The following CUL4A variants were observed in gnomAD, a reference collection of about 807,000 sequenced individuals.
CUL4A encodes the protein cullin 4A, also known as cullin-4A.
Under a neutral mutation model 95.5 loss-of-function variants are expected in CUL4A, and 16 were observed. That is an observed-to-expected ratio of 0.17 (90% confidence interval 0.11 to 0.25). The LOEUF (loss-of-function observed/expected upper bound fraction) is 0.25. Among genes scored for constraint, CUL4A ranks in the 10% least tolerant of loss-of-function variants. The probability of loss-of-function intolerance (pLI) is 1.00; values close to 1 mark genes in which losing one functional copy is unlikely to be tolerated. For missense variants in CUL4A, 610 were observed against 937.0 expected, an observed-to-expected ratio of 0.65 and a Z score of 4.56; for synonymous variants, 380 against 353.1, an observed-to-expected ratio of 1.08 and a Z score of -0.85.
intron 5 of CUL4A, among the ~76,000 whole-genome samples, chr13:113,230,707 A>G (rs2041278821): frequency 1.3e-5 from 2 of 152,222 alleles, no homozygotes; most frequent in Non-Finnish European, 2.9e-5. Flanking sequence ...ACATAAGTTA[A>G]AATAACTTGC....
intron 2 of CUL4A, among the ~76,000 whole-genome samples, chr13:113,214,699 G>A (rs2040579735): frequency 6.6e-6 from 1 of 152,142 alleles, no homozygotes; most frequent in Admixed American, 6.5e-5. Context: ...TTGAGTCACG[G>A]AGTAGTTGTC....
rs535211111 is a variant in CUL4A at position 113,221,010 on chromosome 13, C to T, written c.368+1962C>T. Reference sequence around the variant, plus strand: ...ACAAGATCTTGAGTTGAGAACTGCGCGTCAGGCCAGGAATGGTGGCATGTG... The same window carrying T: ...ACAAGATCTTGAGTTGAGAACTGCGTGTCAGGCCAGGAATGGTGGCATGTG... On this transcript the variant is annotated intron_variant, in intron 3 of 19. Transcript: ENST00000375440. 4.6e-5 allele frequency among the ~76,000 whole-genome samples: 7 copies of T among 152,336 alleles called. No individual in the cohort carries two copies. In the South Asian group the frequency reaches 6.2e-4, roughly 14 times the overall value.
chr13:113,224,819 G>A (rs911755655), intron 3 of CUL4A, among the ~76,000 whole-genome samples: 12 of 152,136 alleles, frequency 7.9e-5, no homozygotes, highest in Non-Finnish European at 1.6e-4. Context: ...GTTAATGCTC[G>A]GCCAGATCAG....
intron 7 of CUL4A, 74 bp downstream of exon 7, chr13:113,234,060 G>A (rs2041455565): frequency 1.2e-6 from 1 of 857,024 alleles, no homozygotes; most frequent in African/African-American, 1.7e-5. Flanking sequence ...CTTTCCTCAT[G>A]TTTGCCTTTT....
intron 6 of CUL4A, 145 bp downstream of exon 6, chr13:113,233,484 A>G: frequency 1.3e-6 from 1 of 761,248 alleles, no homozygotes; most frequent in East Asian, 2.7e-5. Flanking sequence ...TAGAAGGGGA[A>G]TAGCGCTCAA....
intron 3 of CUL4A, among the ~76,000 whole-genome samples, chr13:113,221,811 C>T (rs568937065): frequency 2.6e-5 from 4 of 152,228 alleles, no homozygotes; most frequent in East Asian, 1.9e-4. Flanking sequence ...CTCCTGACCT[C>T]GTGATCCACC....
upstream of CUL4A, chr13:113,209,082 A>C (rs1332471775): frequency 1.1e-5 from 2 of 178,880 alleles, no homozygotes; most frequent in Non-Finnish European, 2.1e-5. Flanking sequence ...CCGAGCTCTC[A>C]TAAGGTGCCT....
intron 13 of CUL4A, 28 bp from the exon 14 acceptor site, chr13:113,245,124 A>T: frequency 6.2e-7 from 1 of 1,613,390 alleles, no homozygotes; most frequent in Non-Finnish European, 8.5e-7. Context: ...TGTTACCCCG[A>T]TCTCACTCCC....
chr13:113,218,894 A>G, intron 2 of CUL4A, 51 bp from the exon 3 acceptor site: 2 of 1,319,314 alleles, frequency 1.5e-6, no homozygotes, highest in Admixed American at 4.0e-5. Context: ...TTTTTTTATG[A>G]ACCAATCTGT....
At chr13:113,211,163 A>G (rs879628110) in intron 2 of CUL4A, among the ~76,000 whole-genome samples, 2 of 152,080 alleles carry the variant, frequency 1.3e-5, no homozygotes, top group African/African-American at 4.8e-5. Flanking sequence ...GCGGTCCCCC[A>G]TTTGCTTTCT....
At chr13:113,260,569 C>G in intron 18 of CUL4A, 38 bp from the exon 19 acceptor site, 2 of 1,558,254 alleles carry the variant, frequency 1.3e-6, no homozygotes, top group Non-Finnish European at 1.7e-6. Flanking sequence ...AAAGAAAATA[C>G]AGTTTTACAC....
intron 9 of CUL4A, among the ~76,000 whole-genome samples, chr13:113,237,493 C>G (rs1298708707): frequency 6.6e-6 from 1 of 152,166 alleles, no homozygotes; most frequent in Non-Finnish European, 1.5e-5. Context: ...GCAGCCTGCA[C>G]CTTTAAAATT....
intron 19 of CUL4A, among the ~76,000 whole-genome samples, chr13:113,261,393 G>A (rs2042271634): frequency 6.6e-6 from 1 of 152,208 alleles, no homozygotes. Flanking sequence ...CAGATTCCAT[G>A]TTGTGCAGTT....
intron 18 of CUL4A, among the ~76,000 whole-genome samples, chr13:113,255,961 C>T (rs2042110075): frequency 6.6e-6 from 1 of 152,094 alleles, no homozygotes; most frequent in South Asian, 2.1e-4. Flanking sequence ...TTCTTTCTCC[C>T]GAAGGTAACC....
chr13:113,215,821 C>T (rs1348551454), intron 2 of CUL4A, among the ~76,000 whole-genome samples: 2 of 101,566 alleles, frequency 2.0e-5, no homozygotes, highest in African/African-American at 3.1e-5. Flanking sequence ...ATGGAGGTCG[C>T]GTCCCATGTG....
chr13:113,261,369 G>A (rs1566377352), intron 19 of CUL4A, among the ~76,000 whole-genome samples: 1 of 152,200 alleles, frequency 6.6e-6, no homozygotes, highest in South Asian at 2.1e-4. Flanking sequence ...CACGTGCTTT[G>A]GAGGGAAAGT....
intron 2 of CUL4A, 126 bp downstream of exon 2, chr13:113,210,214 C>A: frequency 1.7e-6 from 1 of 574,396 alleles, no homozygotes; most frequent in Non-Finnish European, 2.8e-6. Context: ...TTTGCCTCCA[C>A]TGCAGGGCCG....
At position 113,235,209 on chromosome 13, in the gene CUL4A, G is replaced by C. The variant is rs564593927; in HGVS notation, c.848+64G>C. On this transcript the variant is annotated intron_variant, in intron 8 of 19. Coordinates refer to ENST00000375440, the MANE Select transcript of CUL4A (RefSeq NM_001008895.4). Reference sequence around the variant, plus strand: ...CATGGCTGGAAGGTTCTCCTGGCTGGTTATTGAAATAAAGGGTGTCTTTGT... The same window carrying C: ...CATGGCTGGAAGGTTCTCCTGGCTGCTTATTGAAATAAAGGGTGTCTTTGT... The C allele has an allele frequency of 8.4e-5, 96 of 1,142,894 alleles. 2 individuals carry two copies. The South Asian group carries it at 1.2e-3, about 14-fold the overall frequency. The allele number at this position is 1,142,894 out of a possible 1,614,324, so 70.8% of individuals were successfully genotyped here.
In CUL4A at chr13:113,256,926, G is replaced by GTTTTTTTTTTTTTTTT. The variant is rs951070829; in HGVS notation, c.2031+1809_2031+1824dup. On this transcript the variant is annotated intron_variant, in intron 18 of 19. Transcript: ENST00000375440. ...AATGCTTTGTCCCTTTTTTTTTTTC[G>GTTTTTTTTTTTTTTTT]TTTTTTTTTTTTTTTTTTTTTTTGC... is the stretch of plus-strand genomic sequence containing the variant. Among the ~76,000 whole-genome samples, 80 of 47,396 alleles carry GTTTTTTTTTTTTTTTT rather than the reference G, an allele frequency of 1.7e-3. 14 individuals carry two copies. Among genetic ancestry groups the GTTTTTTTTTTTTTTTT allele is most frequent in the South Asian group, 2.3e-3 (2 of 876 alleles). 31.1% of individuals were successfully genotyped at this position (47,396 alleles called of 152,430 possible). A position where few individuals can be genotyped will look rare whatever the true frequency, so the allele number is the denominator to read the frequency against.
Sources: allele counts gnomAD v4.1 joint callset (sites outside exome capture counted in the v4.1 genomes callset), GRCh38; gene constraint gnomAD v4.1.1; transcripts MANE v1.5; gene names NCBI Gene and HGNC (gene_info 2026-07-23, HGNC 2026-07-21).